KDM2B: variants seen among roughly 807,000 people sequenced by gnomAD.
KDM2B encodes the protein lysine-specific demethylase 2B.
Under a neutral mutation model 150.0 loss-of-function variants are expected in KDM2B, and 26 were observed. That is an observed-to-expected ratio of 0.17 (90% CI 0.13 to 0.24). The LOEUF is 0.24. Among genes scored for constraint, KDM2B ranks in the 10% least tolerant of loss-of-function variants. The pLI, the probability that KDM2B is intolerant of heterozygous loss-of-function variation, is 1.00. For synonymous variants in KDM2B, 734 were observed against 729.5 expected, an observed-to-expected ratio of 1.01 and a Z score of -0.10; for missense variants, 1,265 against 1,816.9, an observed-to-expected ratio of 0.70 and a Z score of 5.52.
intron 4 of KDM2B, among the ~76,000 whole-genome samples, chr12:121,560,909 A>T (rs534540280): frequency 1.3e-5 from 2 of 151,964 alleles, no homozygotes; most frequent in Non-Finnish European, 2.9e-5. Flanking sequence ...GACAGGGACA[A>T]GCGTCCCTTC....
In KDM2B at chr12:121,442,447, G is replaced by C; in HGVS notation, c.2994C>G (p.Ser998Arg). ...CCCGGGGGGTGCCGTTGAGCCCCTT[G>C]CTGAAGCGGTGGGGACGCTCGCAGA... ...PGICERPHRFSKGLNGTPREL... is the reference protein window; with the variant it reads ...PGICERPHRFRKGLNGTPREL... The change falls in exon 19 of 23, where the codon AGC (serine) becomes AGG (arginine). Residue 998 changes from serine to arginine, a missense_variant. Around this residue, in one of 11 missense-constraint regions of KDM2B, gnomAD observed 418 missense variants for 402.4 expected, o/e 1.04. Transcript: ENST00000377071. The surrounding 1 kb of genome is among the most constrained non-coding windows in gnomAD (Gnocchi z 7.7). 6.3e-7 allele frequency: 1 copy of C among 1,599,904 alleles called. No homozygotes were observed. Among genetic ancestry groups the C allele is most frequent in the Non-Finnish European group, 8.5e-7 (1 of 1,179,446 alleles).
chr12:121,534,687 T>A (rs1887948066), intron 6 of KDM2B, 97 bp from the exon 7 acceptor site: 1 of 837,452 alleles, frequency 1.2e-6, no homozygotes. Flanking sequence ...TGCCCTTTTA[T>A]AAACGCTGAC....
chr12:121,444,087 G>A lies in KDM2B; in HGVS notation c.2376C>T (p.Arg792=), dbSNP rs1555289402. The A allele has an allele frequency of 1.9e-6, 3 of 1,613,910 alleles. No individual in the cohort carries two copies. Among genetic ancestry groups the A allele is most frequent in the Admixed American group, 1.7e-5 (1 of 60,030 alleles). ...SKKVPPDGLL[R]RKSDDVHLRK... is the part of the protein sequence containing the mutation. ...TCAGGTGCACGTCGTCAGACTTTCTGCGCAGAAGGCCGTCCGGCGGCACCT... is the reference window on the plus strand; with the variant it reads ...TCAGGTGCACGTCGTCAGACTTTCTACGCAGAAGGCCGTCCGGCGGCACCT... Residue 792 remains arginine, a synonymous_variant, in exon 16 of 23, where the codon CGC becomes CGT. Transcript: ENST00000377071.
rs781950264 is a variant in KDM2B, at chr12:121,443,773, G to A, written c.2472C>T (p.Ser824=). The A allele has an allele frequency of 1.9e-5, 31 of 1,606,366 alleles. No homozygotes were observed. The highest frequency in any genetic ancestry group is 2.5e-5 in the Non-Finnish European group (29 of 1,177,262). The change falls in exon 17 of 23, where the codon TCC becomes TCT. Residue 824 remains serine, a synonymous_variant. Coordinates refer to ENST00000377071, the MANE Select transcript of KDM2B (RefSeq NM_032590.5). ...GCGAGAGGTGAGAGGAGGAACCGGG[G>A]GACGTTTGAAGCGATGAGGCCTAAA... ...GRKRASSLQT[S]PGSSSHLSPR...
At chr12:121,553,253 A>AC in intron 4 of KDM2B, among the ~76,000 whole-genome samples, 1 of 149,652 alleles carries the variant, frequency 6.7e-6, no homozygotes, top group Middle Eastern at 3.4e-3. Context: ...GAAAGAAAGA[A>AC]CCCCGGTACC....
Position 121,441,245 on chromosome 12 carries a change from C to T in KDM2B, c.3285-12G>A, listed in dbSNP as rs1555288214. Reference sequence around the variant, plus strand: ...GCTTATCGCAGCACCTGGGGACCGGCCCCGTGGGGACACATCGTCAGAGGT... The same window carrying T: ...GCTTATCGCAGCACCTGGGGACCGGTCCCGTGGGGACACATCGTCAGAGGT... On this transcript the variant is annotated splice_polypyrimidine_tract_variant and intron_variant, in intron 19 of 22. Coordinates refer to ENST00000377071, the MANE Select transcript of KDM2B (RefSeq NM_032590.5). 1 of 1,612,398 alleles carries T rather than the reference C, an allele frequency of 6.2e-7. No homozygotes were observed. Among genetic ancestry groups the T allele is most frequent in the African/African-American group, 1.3e-5 (1 of 75,022 alleles).
chr12:121,581,673 C>G (rs1262576823), upstream of KDM2B, among the ~76,000 whole-genome samples: 1 of 152,194 alleles, frequency 6.6e-6, no homozygotes, highest in Non-Finnish European at 1.5e-5. Flanking sequence ...TTATTTCTGC[C>G]ATAACCCTGT....
At chr12:121,557,160 G>A (rs1189883328) in intron 4 of KDM2B, among the ~76,000 whole-genome samples, 2 of 151,760 alleles carry the variant, frequency 1.3e-5, no homozygotes, top group African/African-American at 4.8e-5. Flanking sequence ...CTGTGATACA[G>A]GGTCTTTGCT....
At chr12:121,446,376 C>A (rs782106578) in intron 13 of KDM2B, among the ~76,000 whole-genome samples, 1 of 152,094 alleles carries the variant, frequency 6.6e-6, no homozygotes, top group African/African-American at 2.4e-5. Flanking sequence ...CCAGCCTGGG[C>A]GACAGAGCGA....
chr12:121,412,232 T>C, the KDM2B span, among the ~76,000 whole-genome samples: 1 of 41,776 alleles, frequency 2.4e-5, no homozygotes, highest in Non-Finnish European at 4.3e-5. Context: ...CAACTAATCT[T>C]TTTTTTTTTT....
At chr12:121,473,404 A>G (rs1555296201) in intron 12 of KDM2B, among the ~76,000 whole-genome samples, 3 of 150,562 alleles carry the variant, frequency 2.0e-5, no homozygotes, top group Admixed American at 6.6e-5. Context: ...AAAAAAAAAA[A>G]TCAAAATGAG....
chr12:121,569,174 C>T (rs1890920614), intron 4 of KDM2B, among the ~76,000 whole-genome samples: 1 of 152,200 alleles, frequency 6.6e-6, no homozygotes, highest in African/African-American at 2.4e-5. Context: ...TTTATGTCAC[C>T]CAGCAACCCT....
chr12:121,435,163 G>C (rs1187669021), intron 22 of KDM2B, among the ~76,000 whole-genome samples: 2 of 152,120 alleles, frequency 1.3e-5, no homozygotes, highest in Non-Finnish European at 2.9e-5. Context: ...GCGAGACCCT[G>C]TCTCTAAAAC....
At chr12:121,448,691 C>T (rs1232703271) in intron 13 of KDM2B, among the ~76,000 whole-genome samples, 4 of 152,254 alleles carry the variant, frequency 2.6e-5, no homozygotes, top group Middle Eastern at 3.4e-3. Context: ...TTAAATGGCG[C>T]AAATGTTTGA....
intron 22 of KDM2B, among the ~76,000 whole-genome samples, chr12:121,433,678 A>G (rs1179299258): frequency 6.6e-6 from 1 of 152,260 alleles, no homozygotes; most frequent in African/African-American, 2.4e-5. Context: ...TGAAATTGCT[A>G]TAAAATCCTA....
intron 6 of KDM2B, among the ~76,000 whole-genome samples, chr12:121,539,204 G>A (rs28429456): frequency 6.7e-4 from 102 of 151,524 alleles, no homozygotes; most frequent in Non-Finnish European, 8.5e-4. Context: ...ATAATGGTGC[G>A]CGCCTGTAGT....
chr12:121,480,861 G>A (rs1041799795), intron 12 of KDM2B, among the ~76,000 whole-genome samples: 4 of 150,870 alleles, frequency 2.7e-5, no homozygotes, highest in Admixed American at 6.6e-5. Context: ...ATAAACACTA[G>A]CAAAGAAAAA....
chr12:121,431,258 A>C (rs1872949748), intron 22 of KDM2B, among the ~76,000 whole-genome samples: 1 of 141,854 alleles, frequency 7.0e-6, no homozygotes, highest in Non-Finnish European at 1.5e-5. Flanking sequence ...CAGCCTCCTG[A>C]GTAGCTGGAA....
chr12:121,507,906 G>A (rs2140829946), intron 11 of KDM2B, among the ~76,000 whole-genome samples: 1 of 152,278 alleles, frequency 6.6e-6, no homozygotes, highest in African/African-American at 2.4e-5. Context: ...AGCTACTTGG[G>A]AGGCTGAGGC....
Sources: gnomAD v4.1 joint callset for allele counts (sites outside exome capture counted in the v4.1 genomes callset) on GRCh38, gnomAD v4.1.1 for gene constraint, gnomAD v4.1.1 regional missense constraint, Gnocchi (gnomAD v3.1) non-coding constraint, MANE v1.5 for transcripts, NCBI Gene and HGNC (gene_info 2026-07-23, HGNC 2026-07-21) for gene names.